The following ARGFX variants were observed in gnomAD, a reference collection of about 807,000 sequenced individuals.
ARGFX encodes arginine-fifty homeobox.
Under a neutral mutation model 8.0 loss-of-function variants are expected in ARGFX, and 10 were observed. The observed-to-expected ratio is 1.25, with a 90% CI of 0.77 to 2.12. ARGFX has a LOEUF of 2.12. Among genes scored for constraint, ARGFX ranks in the 30% most tolerant of loss-of-function variants. The probability of loss-of-function intolerance (pLI) is 0.00; values close to 1 mark genes in which losing one functional copy is unlikely to be tolerated. For synonymous variants in ARGFX, 116 were observed against 117.8 expected (o/e 0.98, Z 0.10); for missense variants, 282 against 324.3 (o/e 0.87, Z 1.00).
intron 2 of ARGFX, among the ~76,000 whole-genome samples, chr3:121,575,193 G>T (rs915202763): frequency 6.6e-6 from 1 of 152,012 alleles, no homozygotes; most frequent in African/African-American, 2.4e-5. Context: ...GGTGGCGTGT[G>T]CCTGTAGTCC....
rs2048812586 is a variant in ARGFX at position 121,586,305 on chromosome 3, C to G, written c.653C>G (p.Pro218Arg). ...TGGGAGAGGCTGGTGGCCTCGGTTCCTGCTTTGTACTCTGATGCCTATGAC... is the reference window on the plus strand; with the variant it reads ...TGGGAGAGGCTGGTGGCCTCGGTTCGTGCTTTGTACTCTGATGCCTATGAC... ...TQWERLVASV[P>R]ALYSDAYDIF... Residue 218 changes from proline to arginine, a missense_variant, in exon 5 of 5, where the codon CCT (proline) becomes CGT (arginine). By Grantham distance (103) the Pro-to-Arg change is moderately radical (BLOSUM62 -2). Coordinates refer to ENST00000334384, the MANE Select transcript of ARGFX (RefSeq NM_001012659.2). 6.2e-7 allele frequency: 1 copy of G among 1,614,088 alleles called. No individual in the cohort carries two copies. Among genetic ancestry groups the G allele is most frequent in the South Asian group, 1.1e-5 (1 of 91,090 alleles).
At chr3:121,582,464 GT>G (rs1336380313) in intron 3 of ARGFX, among the ~76,000 whole-genome samples, 5 of 152,174 alleles carry the variant, frequency 3.3e-5, no homozygotes, top group Admixed American at 3.3e-4. Context: ...ATATTTCTAA[GT>G]ATATTGGATT....
intron 3 of ARGFX, among the ~76,000 whole-genome samples, chr3:121,577,892 T>C (rs917020564): frequency 6.6e-6 from 1 of 151,854 alleles, no homozygotes; most frequent in African/African-American, 2.4e-5. Flanking sequence ...TTCAAGCGAT[T>C]CTCCTACCTC....
In ARGFX at chr3:121,578,671, T is replaced by C. The variant is rs568881677; in HGVS notation, c.220+1771T>C. Among the ~76,000 whole-genome samples, 63 of 142,092 alleles carry C rather than the reference T, an allele frequency of 4.4e-4. 1 individual carries two copies. The highest frequency in any genetic ancestry group is 1.2e-3 in the African/African-American group (48 of 39,412). 93.2% of individuals were successfully genotyped at this position (142,092 alleles called of 152,430 possible). ...ACATTCCTAGAAAAGTATAGTTTTA[T>C]CTTTTTTTTTTTTTTTTTAAACAGA... On this transcript the variant is annotated intron_variant, in intron 3 of 4. Transcript: ENST00000334384.
At chr3:121,573,471 ACT>A (rs2048719930) in intron 2 of ARGFX, among the ~76,000 whole-genome samples, 2 of 151,036 alleles carry the variant, frequency 1.3e-5, no homozygotes, top group South Asian at 4.2e-4. Context: ...AGAGAGAGAG[ACT>A]CTGTCTCAAA....
In ARGFX at chr3:121,586,232, A is replaced by G. The variant is rs772779600; in HGVS notation, c.580A>G (p.Thr194Ala). The change falls in exon 5 of 5, where the codon ACC (threonine) becomes GCC (alanine). Residue 194 changes from threonine (T) to alanine (A), a missense_variant. Physicochemically the swap from Thr to Ala is moderately conservative, Grantham distance 58. Transcript: ENST00000334384. ...CCCTTCCAATTGGGCATGGAACTCT[A>G]CCTTCACTGAGAGTTCTACCAGTGA... is the stretch of plus-strand genomic sequence containing the variant. Reference protein sequence around the residue: ...LDPSNWAWNSTFTESSTSDFQ... With the variant: ...LDPSNWAWNSAFTESSTSDFQ... 8 of 1,613,618 alleles carry G rather than the reference A, an allele frequency of 5.0e-6. No individual in the cohort carries two copies. The highest frequency in any genetic ancestry group is 2.7e-5 in the African/African-American group (2 of 74,792).
At position 121,586,470 on chromosome 3, in the gene ARGFX, G is replaced by A; in HGVS notation, c.818G>A (p.Gly273Asp). The change falls in exon 5 of 5, where the codon GGT (glycine) becomes GAT (aspartate). Residue 273 changes from glycine (G) to aspartate (D), a missense_variant. Coordinates refer to ENST00000334384, the MANE Select transcript of ARGFX (RefSeq NM_001012659.2). ...GGTTCCTCTCTCAGCATCTTTGCTG[G>A]TCCAGCTGTAGGCCTATCTCCTGCA... ...GQGSSLSIFA[G>D]PAVGLSPAQT... 1 of 1,614,090 alleles carries A rather than the reference G, an allele frequency of 6.2e-7. No individual in the cohort carries two copies. The highest frequency in any genetic ancestry group is 1.1e-5 in the South Asian group (1 of 91,076).
Position 121,589,322 on chromosome 3 carries a change from T to G in ARGFX, c.*2722T>G, listed in dbSNP as rs1250003086. Among the ~76,000 whole-genome samples, 3 of 152,230 alleles carry G rather than the reference T, an allele frequency of 2.0e-5. No homozygotes were observed. The highest frequency in any genetic ancestry group is 7.2e-5 in the African/African-American group (3 of 41,462). On this transcript the variant is annotated 3_prime_UTR_variant, in exon 5 of 5. Coordinates refer to ENST00000334384, the MANE Select transcript of ARGFX (RefSeq NM_001012659.2). Reference sequence around the variant, plus strand: ...GCTTCAAATACTTATATACATATTTTTTAAAAGTAGCTTTACATAGGAAGG... The same window carrying G: ...GCTTCAAATACTTATATACATATTTGTTAAAAGTAGCTTTACATAGGAAGG...
rs188205049 is a variant in ARGFX at position 121,588,702 on chromosome 3, A to G, written c.*2102A>G. Among the ~76,000 whole-genome samples the G allele has an allele frequency of 6.6e-6, 1 of 151,720 alleles. No individual in the cohort carries two copies. Among genetic ancestry groups the G allele is most frequent in the Non-Finnish European group, 1.5e-5 (1 of 67,910 alleles). ...GGGAGGCCAAGGCGGGCAGATCACG[A>G]GGTCAAGAGATCAAGACCATCCTGG... is the stretch of plus-strand genomic sequence containing the variant. On this transcript the variant is annotated 3_prime_UTR_variant, in exon 5 of 5. Coordinates refer to ENST00000334384, the MANE Select transcript of ARGFX (RefSeq NM_001012659.2).
intron 1 of ARGFX, among the ~76,000 whole-genome samples, 24 bp downstream of exon 1, chr3:121,568,037 G>A (rs1167425970): frequency 6.6e-6 from 1 of 152,120 alleles, no homozygotes; most frequent in Non-Finnish European, 1.5e-5. Flanking sequence ...AGCGGGGAGG[G>A]TAGCCAGAAT....
chr3:121,570,548 A>G, intron 1 of ARGFX, among the ~76,000 whole-genome samples, 154 bp from the exon 2 acceptor site: 1 of 152,220 alleles, frequency 6.6e-6, no homozygotes. Context: ...TCTATGGTAT[A>G]AAATATGAAT....
rs1269610440 is a variant in ARGFX at position 121,589,447 on chromosome 3, G to A, written c.*2847G>A. Among the ~76,000 whole-genome samples, 6 of 147,174 alleles carry A rather than the reference G, an allele frequency of 4.1e-5. No homozygotes were observed. In the East Asian group the frequency reaches 6.3e-4, roughly 15 times the overall value. On this transcript the variant is annotated 3_prime_UTR_variant, in exon 5 of 5. Coordinates refer to ENST00000334384, the MANE Select transcript of ARGFX (RefSeq NM_001012659.2). ...TCTGTCACCCAGGCCGTGCAATCTCGGCTCACTGCAACCTCCGCCTCCTGG... is the reference window on the plus strand; with the variant it reads ...TCTGTCACCCAGGCCGTGCAATCTCAGCTCACTGCAACCTCCGCCTCCTGG...
rs562116526 is a variant in ARGFX, at chr3:121,586,693, C to A, written c.*93C>A. On this transcript the variant is annotated 3_prime_UTR_variant, in exon 5 of 5. Transcript: ENST00000334384. The stretch of plus-strand genomic sequence containing the variant: ...TTTCCTTTGTCTCATTTTAACCCAA[C>A]ATCTGGGTCTGTGTCTCTGATTTCC... 130 of 1,069,368 alleles carry A rather than the reference C, an allele frequency of 1.2e-4. 1 individual carries two copies. In the African/African-American group the frequency reaches 1.7e-3, roughly 14 times the overall value. 66.2% of individuals were successfully genotyped at this position (1,069,368 alleles called of 1,614,324 possible).
In ARGFX at chr3:121,570,814, C is replaced by G. The variant is rs145075970; in HGVS notation, c.101C>G (p.Pro34Arg). The G allele has an allele frequency of 6.3e-7, 1 of 1,591,626 alleles. No homozygotes were observed. Among genetic ancestry groups the G allele is most frequent in the African/African-American group, 1.4e-5 (1 of 74,064 alleles). The change falls in exon 2 of 5, where the codon CCC (proline) becomes CGC (arginine). Residue 34 changes from proline to arginine, a missense_variant and splice_region_variant. Transcript: ENST00000334384. ...ATACCACCACAGGATCCAGCTAGTC[C>G]CAGTGAGTATCATCCTTCTTTGTCC... Reference protein sequence around the residue: ...KVIPPQDPASPSFTLLSKLEC... With the variant: ...KVIPPQDPASRSFTLLSKLEC...
chr3:121,571,791 C>T (rs9755075), intron 2 of ARGFX, among the ~76,000 whole-genome samples: 33,436 of 137,016 alleles, frequency 0.24, 4,594 homozygotes, highest in Admixed American at 0.43. Flanking sequence ...ACCATATTGG[C>T]CAGGCTGGTC....
In ARGFX at chr3:121,586,449, C is replaced by T. The variant is rs2048813513; in HGVS notation, c.797C>T (p.Ser266Phe). Residue 266 changes from serine to phenylalanine, a missense_variant, in exon 5 of 5, where the codon TCC becomes TTC. Physicochemically the swap from Ser to Phe is radical, Grantham distance 155. Coordinates refer to ENST00000334384, the MANE Select transcript of ARGFX (RefSeq NM_001012659.2). ...AAGTACCAGGTAGGAGGACAGGGTT[C>T]CTCTCTCAGCATCTTTGCTGGTCCA... Reference protein sequence around the residue: ...PTKYQVGGQGSSLSIFAGPAV... With the variant: ...PTKYQVGGQGFSLSIFAGPAV... 1.9e-6 allele frequency: 3 copies of T among 1,614,062 alleles called. No homozygotes were observed. The Admixed American group carries it at 5.0e-5, about 27-fold the overall frequency.
Position 121,586,771 on chromosome 3 carries a change from A to T in ARGFX, c.*171A>T. The T allele has an allele frequency of 1.6e-6, 1 of 621,094 alleles. No individual in the cohort carries two copies. 38.5% of individuals were successfully genotyped at this position (621,094 alleles called of 1,614,324 possible). A position where few individuals can be genotyped will look rare whatever the true frequency, so the allele number is the denominator to read the frequency against. ...AAGTAGAGCTGGGCACTACGTAATC[A>T]GCCCCACAAGTCTCCCTGAGAAGCC... On this transcript the variant is annotated 3_prime_UTR_variant, in exon 5 of 5. Transcript: ENST00000334384.
At chr3:121,573,961 G>A (rs923134432) in intron 2 of ARGFX, among the ~76,000 whole-genome samples, 1 of 151,896 alleles carries the variant, frequency 6.6e-6, no homozygotes, top group Non-Finnish European at 1.5e-5. Flanking sequence ...ATTATTAGGG[G>A]AAAGAAAATC....
chr3:121,584,873 G>T, intron 3 of ARGFX, 44 bp from the exon 4 acceptor site: 1 of 1,580,364 alleles, frequency 6.3e-7, no homozygotes, highest in South Asian at 1.2e-5. Context: ...GGGAGAGATT[G>T]GTAATGTAAA....
Sources: allele counts gnomAD v4.1 joint callset (sites outside exome capture counted in the v4.1 genomes callset), GRCh38; gene constraint gnomAD v4.1.1; transcripts MANE v1.5; gene names NCBI Gene and HGNC (gene_info 2026-07-23, HGNC 2026-07-21).